Variants in JPH2 observed in about 807,000 individuals in gnomAD.
The protein encoded by JPH2 is junctophilin-2.
A neutral mutation model predicts 55.9 loss-of-function variants in JPH2; 38 were observed. That is an observed-to-expected ratio of 0.68 (90% CI 0.52 to 0.89). JPH2 has a LOEUF of 0.89. Ranked by LOEUF, JPH2 falls within the 40% of genes least tolerant of loss-of-function variation. The pLI is 0.00. For synonymous variants in JPH2, 480 were observed against 472.4 expected (o/e 1.02, Z -0.21); for missense variants, 964 against 1,037.6 (o/e 0.93, Z 0.97).
intron 2 of JPH2, among the ~76,000 whole-genome samples, chr20:44,128,293 G>A (rs1181807289): frequency 6.6e-6 from 1 of 151,640 alleles, no homozygotes; most frequent in African/African-American, 2.4e-5. Context: ...AATAACCTAA[G>A]GGCTCATCCC....
rs961175627 is a variant in JPH2 at position 44,110,887 on chromosome 20, T to C, written c.*2631A>G. ...GAGGGAGCACATGGCCCATCAGTGA[T>C]AGGGCTGGGTTGGGTAGGGGAGCCA... is the stretch of plus-strand genomic sequence containing the variant. On this transcript the variant is annotated 3_prime_UTR_variant, in exon 6 of 6. Transcript: ENST00000372980. Among the ~76,000 whole-genome samples, 3 of 152,180 alleles carry C rather than the reference T, an allele frequency of 2.0e-5. No individual in the cohort carries two copies. The highest frequency in any genetic ancestry group is 2.9e-5 in the Non-Finnish European group (2 of 68,036).
intron 1 of JPH2, among the ~76,000 whole-genome samples, chr20:44,167,670 T>C (rs1426224312): frequency 2.0e-5 from 3 of 152,218 alleles, no homozygotes; most frequent in African/African-American, 4.8e-5. Context: ...CTGGTGAGTA[T>C]AGAATAACAG....
In JPH2 at chr20:44,110,952, G is replaced by A. The variant is rs1425725655; in HGVS notation, c.*2566C>T. ...GGGTGTGCCTGAACTCGAGCCTACT[G>A]TTGGTTGAGGGACCTTCTTCTCCAA... On this transcript the variant is annotated 3_prime_UTR_variant, in exon 6 of 6. Coordinates refer to ENST00000372980, the MANE Select transcript of JPH2 (RefSeq NM_020433.5). Among the ~76,000 whole-genome samples the A allele has an allele frequency of 6.6e-6, 1 of 152,192 alleles. No individual in the cohort carries two copies. Among genetic ancestry groups the A allele is most frequent in the Admixed American group, 6.5e-5 (1 of 15,282 alleles).
chr20:44,162,786 AT>A (rs2072623151), intron 1 of JPH2, among the ~76,000 whole-genome samples: 1 of 66,768 alleles, frequency 1.5e-5, no homozygotes, highest in Non-Finnish European at 3.1e-5. Flanking sequence ...ATATATATAT[AT>A]ACACACACAC....
In JPH2 at chr20:44,111,232, G is replaced by A. The variant is rs1421196438; in HGVS notation, c.*2286C>T. On this transcript the variant is annotated 3_prime_UTR_variant, in exon 6 of 6. Coordinates refer to ENST00000372980, the MANE Select transcript of JPH2 (RefSeq NM_020433.5). ...CCTGGGATCCTCTACCAAAACGCAA[G>A]AGGGCTTGTAGCAGAGCTAACAGCA... Among the ~76,000 whole-genome samples the A allele has an allele frequency of 2.0e-5, 3 of 152,162 alleles. No individual in the cohort carries two copies. The highest frequency in any genetic ancestry group is 4.4e-5 in the Non-Finnish European group (3 of 68,026).
intron 2 of JPH2, among the ~76,000 whole-genome samples, chr20:44,152,542 G>C (rs2072538853): frequency 6.6e-6 from 1 of 152,164 alleles, no homozygotes; most frequent in African/African-American, 2.4e-5. Flanking sequence ...GTTAATACAT[G>C]TAAGGTACTT....
chr20:44,141,888 G>C (rs932984179), intron 2 of JPH2, among the ~76,000 whole-genome samples: 5 of 152,166 alleles, frequency 3.3e-5, no homozygotes, highest in Non-Finnish European at 7.3e-5. Context: ...CCCATGGGTA[G>C]AAACTACAGA....
Position 44,160,532 on chromosome 20 carries a change from G to T in JPH2, c.380-125C>A. 1.1e-6 allele frequency: 1 copy of T among 940,120 alleles called. No homozygotes were observed. The highest frequency in any genetic ancestry group is 1.4e-5 in the South Asian group (1 of 71,434). 58.2% of individuals were successfully genotyped at this position (940,120 alleles called of 1,614,324 possible). Reference sequence around the variant, plus strand: ...GGGACCGAGAGGCGCAAGGCCGTCTGAGGGTCAGGGTGCACAGTGCTATGA... The same window carrying T: ...GGGACCGAGAGGCGCAAGGCCGTCTTAGGGTCAGGGTGCACAGTGCTATGA... On this transcript the variant is annotated intron_variant, in intron 1 of 5. Transcript: ENST00000372980. The surrounding 1 kb of genome is among the most constrained non-coding windows in gnomAD (Gnocchi z 4.9).
chr20:44,126,253 T>C (rs1044171322), intron 2 of JPH2, among the ~76,000 whole-genome samples: 4 of 150,372 alleles, frequency 2.7e-5, no homozygotes, highest in African/African-American at 7.4e-5. Flanking sequence ...GAAACAGAAA[T>C]CCTGAATGTC....
At chr20:44,130,713 T>C (rs973092218) in intron 2 of JPH2, among the ~76,000 whole-genome samples, 8 of 152,208 alleles carry the variant, frequency 5.3e-5, no homozygotes, top group African/African-American at 1.9e-4. Context: ...TTACAAACTA[T>C]AAAAACCATT....
chr20:44,186,794 G>A lies in JPH2; in HGVS notation c.-89C>T. 1 of 1,356,218 alleles carries A rather than the reference G, an allele frequency of 7.4e-7. No homozygotes were observed. Among genetic ancestry groups the A allele is most frequent in the Non-Finnish European group, 1.0e-6 (1 of 962,274 alleles). The allele number at this position is 1,356,218 out of a possible 1,614,324, so 84.0% of individuals were successfully genotyped here. On this transcript the variant is annotated 5_prime_UTR_variant, in exon 1 of 6. Transcript: ENST00000372980. ...CTGCAACACTCCTCCAGTGCCCTCGGGGGCAGGCCCCCAGACTCACCACTG... is the reference window on the plus strand; with the variant it reads ...CTGCAACACTCCTCCAGTGCCCTCGAGGGCAGGCCCCCAGACTCACCACTG...
Position 44,109,327 on chromosome 20 carries a change from C to A in JPH2, c.*4191G>T, listed in dbSNP as rs1490541609. The stretch of plus-strand genomic sequence containing the variant: ...GCAGTGCATTTACCATCTGCTCACA[C>A]CATGCTGGGAATTGTTCTAAGTGCT... On this transcript the variant is annotated 3_prime_UTR_variant, in exon 6 of 6. Coordinates refer to ENST00000372980, the MANE Select transcript of JPH2 (RefSeq NM_020433.5). Among the ~76,000 whole-genome samples, 1 of 152,222 alleles carries A rather than the reference C, an allele frequency of 6.6e-6. No homozygotes were observed. Among genetic ancestry groups the A allele is most frequent in the East Asian group, 1.9e-4 (1 of 5,206 alleles).
At chr20:44,152,123 C>T (rs2072535521) in intron 2 of JPH2, among the ~76,000 whole-genome samples, 1 of 152,240 alleles carries the variant, frequency 6.6e-6, no homozygotes, top group Non-Finnish European at 1.5e-5. Flanking sequence ...ACTGATTCAC[C>T]ACTGGGTGTC....
chr20:44,172,641 TACC>T (rs1457937549), intron 1 of JPH2, among the ~76,000 whole-genome samples: 3 of 152,078 alleles, frequency 2.0e-5, no homozygotes, highest in African/African-American at 7.2e-5. Context: ...CACAGGTGCA[TACC>T]ATCATGCTGG....
rs181161123 is a variant in JPH2 at position 44,177,114 on chromosome 20, G to A, written c.379+9213C>T. ...ACTCTCATCAGTTCCCTTTAAGCAGGGAGTGAAAGTTACACGGGAGGGAGG... is the reference window on the plus strand; with the variant it reads ...ACTCTCATCAGTTCCCTTTAAGCAGAGAGTGAAAGTTACACGGGAGGGAGG... On this transcript the variant is annotated intron_variant, in intron 1 of 5. Coordinates refer to ENST00000372980, the MANE Select transcript of JPH2 (RefSeq NM_020433.5). The A allele has an allele frequency of 9.9e-5, 98 of 985,550 alleles. 1 individual carries two copies. In the East Asian group the frequency reaches 5.3e-3, roughly 54 times the overall value. 61.1% of individuals were successfully genotyped at this position (985,550 alleles called of 1,614,324 possible). A position where few individuals can be genotyped will look rare whatever the true frequency, so the allele number is the denominator to read the frequency against.
In JPH2 at chr20:44,159,926, G is replaced by A. The variant is rs565508885; in HGVS notation, c.861C>T (p.Thr287=). Residue 287 remains threonine, a synonymous_variant, in exon 2 of 6, where the codon ACC becomes ACT. Coordinates refer to ENST00000372980, the MANE Select transcript of JPH2 (RefSeq NM_020433.5). This position sits in a 1 kb window ranked among gnomAD's most constrained non-coding sequence, Gnocchi z 5.7. ...APFEADIDAT[T]TETYMGEWKN... The stretch of plus-strand genomic sequence containing the variant: ...TCCACTCGCCCATGTAGGTCTCGGT[G>A]GTGGTGGCGTCGATATCGGCCTCGA... The A allele has an allele frequency of 1.1e-5, 18 of 1,611,200 alleles. No individual in the cohort carries two copies. The African/African-American group carries it at 2.1e-4, about 19-fold the overall frequency.
At chr20:44,146,237 G>T (rs1033663696) in intron 2 of JPH2, among the ~76,000 whole-genome samples, 1 of 152,050 alleles carries the variant, frequency 6.6e-6, no homozygotes, top group African/African-American at 2.4e-5. Context: ...GTTTCACCGT[G>T]TTAGCCAGGA....
chr20:44,180,081 G>A (rs772596449), intron 1 of JPH2, among the ~76,000 whole-genome samples: 2 of 152,184 alleles, frequency 1.3e-5, no homozygotes, highest in African/African-American at 2.4e-5. Flanking sequence ...AGCTGGGCAT[G>A]GTGGCACATG....
Position 44,116,328 on chromosome 20 carries a change from C to G in JPH2, c.1347G>C (p.Leu449=), listed in dbSNP as rs752480021. ...CGGCGCCCCGGTCGGGGGGCTCCAG[C>G]AGGCTCTCCGAGTTCTCCAGGATCT... is the stretch of plus-strand genomic sequence containing the variant. The part of the protein sequence containing the change: ...LQEILENSES[L]LEPPDRGAGA... The change falls in exon 4 of 6, where the codon CTG becomes CTC. Residue 449 remains leucine, a synonymous_variant. Transcript: ENST00000372980. 1 of 1,545,600 alleles carries G rather than the reference C, an allele frequency of 6.5e-7. No individual in the cohort carries two copies. The highest frequency in any genetic ancestry group is 1.2e-5 in the South Asian group (1 of 83,846).
Sources: gnomAD v4.1 joint callset for allele counts (sites outside exome capture counted in the v4.1 genomes callset) on GRCh38, gnomAD v4.1.1 for gene constraint, Gnocchi (gnomAD v3.1) non-coding constraint, MANE v1.5 for transcripts, NCBI Gene and HGNC (gene_info 2026-07-23, HGNC 2026-07-21) for gene names.